FGD4: variants seen among roughly 807,000 people sequenced by gnomAD.
The protein encoded by FGD4 is FYVE, RhoGEF and PH domain containing 4.
In FGD4, 42 loss-of-function variants were observed where a neutral mutation model predicts 102.0. The ratio of observed to expected loss-of-function variants is 0.41; its 90% CI spans 0.32 to 0.53. The LOEUF (loss-of-function observed/expected upper bound fraction) is 0.53. FGD4 is among the 20% of genes least tolerant of loss of function. FGD4 has a pLI of 0.21. For synonymous variants in FGD4, 380 were observed against 375.7 expected, an observed-to-expected ratio of 1.01 and a Z score of -0.13; for missense variants, 902 against 1,078.2, an observed-to-expected ratio of 0.84 and a Z score of 2.29.
intron 1 of FGD4, among the ~76,000 whole-genome samples, chr12:32,412,783 T>C (rs1437369551): frequency 6.6e-6 from 1 of 152,014 alleles, no homozygotes; most frequent in Non-Finnish European, 1.5e-5. Flanking sequence ...GGTTTCACCA[T>C]GTTGGCCAGG....
At position 32,643,413 on chromosome 12, in the gene FGD4, T is replaced by C. The variant is rs1951258344; in HGVS notation, c.*2880T>C. 6.6e-6 allele frequency: 1 copy of C among 152,258 alleles called. No individual in the cohort carries two copies. Among genetic ancestry groups the C allele is most frequent in the African/African-American group, 2.4e-5 (1 of 41,412 alleles). 9.4% of individuals were successfully genotyped at this position (152,258 alleles called of 1,614,324 possible). A position where few individuals can be genotyped will look rare whatever the true frequency, so the allele number is the denominator to read the frequency against. On this transcript the variant is annotated 3_prime_UTR_variant, in exon 17 of 17. Transcript: ENST00000534526. ...ATACGGTAATTCGAATTGCAGAGTA[T>C]AAGGAAGGGAAATGGGAAGGGGCAT... is the stretch of plus-strand genomic sequence containing the variant.
At chr12:32,427,444 T>G (rs1474605251) in intron 1 of FGD4, among the ~76,000 whole-genome samples, 1 of 152,244 alleles carries the variant, frequency 6.6e-6, no homozygotes, top group African/African-American at 2.4e-5. Flanking sequence ...TTGTTATGAT[T>G]TCCATTCTTT....
chr12:32,509,495 A>T (rs988935230), intron 1 of FGD4, among the ~76,000 whole-genome samples: 2 of 152,222 alleles, frequency 1.3e-5, no homozygotes, highest in Non-Finnish European at 2.9e-5. Context: ...CAATCACAGA[A>T]ATACACAAAA....
intron 1 of FGD4, among the ~76,000 whole-genome samples, chr12:32,424,539 A>G (rs953099826): frequency 6.6e-6 from 1 of 152,110 alleles, no homozygotes; most frequent in African/African-American, 2.4e-5. Flanking sequence ...ATATGTGTGC[A>G]TGTGTCTTTA....
At chr12:32,416,322 G>A (rs1231205802) in intron 1 of FGD4, among the ~76,000 whole-genome samples, 1 of 152,164 alleles carries the variant, frequency 6.6e-6, no homozygotes. Flanking sequence ...TTTGATTAGA[G>A]AGTTTAGTTG....
chr12:32,495,525 C>T (rs1339565713), intron 1 of FGD4, among the ~76,000 whole-genome samples: 2 of 151,862 alleles, frequency 1.3e-5, no homozygotes, highest in African/African-American at 4.8e-5. Context: ...CGAAACCCGT[C>T]TCTACTAAAA....
At chr12:32,634,872 G>A (rs762413132) in intron 15 of FGD4, among the ~76,000 whole-genome samples, 7 of 151,966 alleles carry the variant, frequency 4.6e-5, no homozygotes, top group South Asian at 2.1e-4. Flanking sequence ...CCTGTAGTCC[G>A]AGCTACTTGG....
At chr12:32,508,678 TATA>T (rs1221919268) in intron 1 of FGD4, among the ~76,000 whole-genome samples, 27 of 152,364 alleles carry the variant, frequency 1.8e-4, no homozygotes, top group Admixed American at 1.4e-3. Context: ...GAGCATGAGA[TATA>T]ATAATTACTT....
chr12:32,546,493 A>T (rs981333229), intron 1 of FGD4, among the ~76,000 whole-genome samples: 2 of 152,176 alleles, frequency 1.3e-5, no homozygotes, highest in Non-Finnish European at 2.9e-5. Context: ...AACCAACCCT[A>T]CTTTTATTTA....
chr12:32,606,452 T>G (rs1328267126), intron 7 of FGD4, among the ~76,000 whole-genome samples: 2 of 145,518 alleles, frequency 1.4e-5, no homozygotes, highest in Non-Finnish European at 3.0e-5. Flanking sequence ...GTCTTCTATT[T>G]TCCTCTACTT....
intron 1 of FGD4, among the ~76,000 whole-genome samples, chr12:32,504,850 T>C (rs1278919319): frequency 6.6e-6 from 1 of 152,192 alleles, no homozygotes; most frequent in African/African-American, 2.4e-5. Context: ...CTTTGACACA[T>C]TATGCCGGAA....
At chr12:32,459,209 T>TG (rs1943031977) in intron 1 of FGD4, among the ~76,000 whole-genome samples, 1 of 144,758 alleles carries the variant, frequency 6.9e-6, no homozygotes, top group African/African-American at 2.6e-5. Context: ...TTTTTTTTTT[T>TG]GAGACAGAGT....
At chr12:32,502,194 G>C in intron 1 of FGD4, 1 of 985,548 alleles carries the variant, frequency 1.0e-6, no homozygotes, top group Non-Finnish European at 1.2e-6. Context: ...GGGGAAAGCA[G>C]GGGAGCCTGT....
At chr12:32,422,780 C>A (rs1222300100) in intron 1 of FGD4, among the ~76,000 whole-genome samples, 6 of 152,090 alleles carry the variant, frequency 3.9e-5, no homozygotes, top group Admixed American at 3.9e-4. Flanking sequence ...TTTCATATAT[C>A]TTGCTACTTC....
In FGD4 at chr12:32,553,572, CTTTGTA is replaced by C. The variant is rs558974532; in HGVS notation, c.167-10559_167-10554del. On this transcript the variant is annotated intron_variant, in intron 1 of 16. Transcript: ENST00000534526. ...TAACAGTCAAAGTTGCCTTTTTACA[CTTTGTA>C]TTTGTGCTCATCCAACCATGAGACC... 2.8e-4 allele frequency among the ~76,000 whole-genome samples: 42 copies of C among 152,314 alleles called. 1 individual carries two copies. The South Asian group carries it at 6.6e-3, about 24-fold the overall frequency.
intron 2 of FGD4, among the ~76,000 whole-genome samples, chr12:32,573,971 A>C (rs1043430624): frequency 2.0e-5 from 3 of 152,210 alleles, no homozygotes; most frequent in African/African-American, 7.2e-5. Flanking sequence ...CTTTAAATTC[A>C]TAATATATTT....
chr12:32,420,045 T>A (rs985639435), intron 1 of FGD4, among the ~76,000 whole-genome samples: 2 of 152,182 alleles, frequency 1.3e-5, no homozygotes, highest in Admixed American at 6.5e-5. Context: ...CTCACCTGAT[T>A]TTTGGTTATT....
chr12:32,477,881 G>A (rs1278916354), intron 1 of FGD4, among the ~76,000 whole-genome samples: 1 of 152,180 alleles, frequency 6.6e-6, no homozygotes, highest in Non-Finnish European at 1.5e-5. Context: ...AGATTGGTAG[G>A]AGACGACAAA....
At chr12:32,581,128 TGTTTTAGGAGAGATTGTCCTA>T (rs1200790949) in intron 3 of FGD4, among the ~76,000 whole-genome samples, 2 of 152,080 alleles carry the variant, frequency 1.3e-5, no homozygotes, top group Non-Finnish European at 2.9e-5. Flanking sequence ...GAAATACCAG[TGTTTTAGGAGAGATTGTCCTA>T]AGCAGAGAAC....
Sources: gnomAD v4.1 joint callset for allele counts (sites outside exome capture counted in the v4.1 genomes callset) on GRCh38, gnomAD v4.1.1 for gene constraint, MANE v1.5 for transcripts, NCBI Gene and HGNC (gene_info 2026-07-23, HGNC 2026-07-21) for gene names.